Variants in IL17REL observed in about 807,000 individuals in gnomAD.
IL17REL encodes interleukin 17 receptor E like, also known as interleukin-17 receptor E-like protein.
A neutral mutation model predicts 49.0 loss-of-function variants in IL17REL; 36 were observed. The ratio of observed to expected loss-of-function variants is 0.73; its 90% CI spans 0.56 to 0.97. The LOEUF is 0.97. Among genes scored for constraint, IL17REL ranks in the 50% least tolerant of loss-of-function variants. The probability of loss-of-function intolerance (pLI) is 0.00; values close to 1 mark genes in which losing one functional copy is unlikely to be tolerated. For missense variants in IL17REL, 470 were observed against 453.9 expected (o/e 1.04, Z -0.32); for synonymous variants, 206 against 192.4 (o/e 1.07, Z -0.58).
intron 4 of IL17REL, among the ~76,000 whole-genome samples, 37 bp downstream of exon 6, chr22:50,000,159 G>C (rs1264580358): frequency 6.6e-6 from 1 of 152,226 alleles, no homozygotes; most frequent in Non-Finnish European, 1.5e-5. Context: ...CGCAGCGTCT[G>C]AGGGTCTTCG....
At chr22:49,993,545 C>T (rs567033072), downstream of IL17REL, among the ~76,000 whole-genome samples, 5 of 152,276 alleles carry the variant, frequency 3.3e-5, no homozygotes, top group East Asian at 7.7e-4. The surrounding 1 kb of genome is among the most constrained non-coding windows in gnomAD (Gnocchi z 6.0). Flanking sequence ...GAGCCACTGC[C>T]GCCTGGTGGC....
intron 12 of IL17REL, 63 bp downstream of exon 14, chr22:49,996,931 G>A (rs1012522622): frequency 5.1e-6 from 4 of 789,762 alleles, no homozygotes; most frequent in Admixed American, 3.1e-5. Flanking sequence ...GGAAGGGGGG[G>A]TGTGAACTGA....
intron 1 of IL17REL, among the ~76,000 whole-genome samples, chr22:50,004,743 C>G (rs2061099382): frequency 6.6e-6 from 1 of 151,412 alleles, no homozygotes; most frequent in Non-Finnish European, 1.5e-5. Context: ...CACCTGTAGT[C>G]CTAGCTACTC....
downstream of IL17REL, among the ~76,000 whole-genome samples, chr22:49,993,731 C>CAGG (rs1450032481): frequency 6.6e-6 from 1 of 152,206 alleles, no homozygotes; most frequent in Non-Finnish European, 1.5e-5. The surrounding 1 kb of genome is among the most constrained non-coding windows in gnomAD (Gnocchi z 6.0). Flanking sequence ...ACCCGTCAGG[C>CAGG]AGGAGCTCAG....
At chr22:49,993,652 T>G (rs575548727), downstream of IL17REL, among the ~76,000 whole-genome samples, 2 of 152,162 alleles carry the variant, frequency 1.3e-5, no homozygotes, top group East Asian at 3.9e-4. The surrounding 1 kb of genome is among the most constrained non-coding windows in gnomAD (Gnocchi z 6.0). Flanking sequence ...CCCCAAAGAC[T>G]CAGTTTCCCC....
chr22:50,006,375 A>G (rs1601892058), intron 1 of IL17REL, among the ~76,000 whole-genome samples: 1 of 152,102 alleles, frequency 6.6e-6, no homozygotes, highest in Non-Finnish European at 1.5e-5. Flanking sequence ...GGCACCACCC[A>G]GGAGCAACAG....
chr22:50,012,164 G>A (rs1473484027), upstream of IL17REL, among the ~76,000 whole-genome samples: 12 of 152,192 alleles, frequency 7.9e-5, no homozygotes, highest in Non-Finnish European at 1.8e-4. Flanking sequence ...CACGTTCTCC[G>A]AGTGTTTCCT....
At chr22:50,007,248 G>A (rs1410482138) in intron 1 of IL17REL, among the ~76,000 whole-genome samples, 8 of 151,896 alleles carry the variant, frequency 5.3e-5, no homozygotes. Flanking sequence ...CACAAGATCC[G>A]CCCCCTCCAC....
rs934348789 is a variant in IL17REL, at chr22:50,000,648, G to C, written c.220-56C>G. The C allele has an allele frequency of 2.2e-5, 34 of 1,558,130 alleles. No homozygotes were observed. The Middle Eastern group carries it at 5.5e-4, about 25-fold the overall frequency. Reference sequence around the variant, plus strand: ...CTCAGAGGCACTGCCCACCCCACCCGGCCAGCTCCACTTGCATGGCTGGAG... The same window carrying C: ...CTCAGAGGCACTGCCCACCCCACCCCGCCAGCTCCACTTGCATGGCTGGAG... On this transcript the variant is annotated intron_variant, in intron 3 of 12. Transcript: ENST00000341280.
At chr22:50,001,627 C>T (rs1019103407) in intron 1 of IL17REL, among the ~76,000 whole-genome samples, 4 of 152,230 alleles carry the variant, frequency 2.6e-5, no homozygotes, top group Admixed American at 2.0e-4. Context: ...ACCTGGGAGG[C>T]GACCCCAAGG....
intron 5 of IL17REL, 71 bp downstream of exon 7, chr22:49,999,757 C>T (rs567200060): frequency 0.024 from 29,751 of 1,217,578 alleles, 546 homozygotes; most frequent in Non-Finnish European, 0.028. Context: ...GGGCCTAAGG[C>T]TGACCGGGGC....
chr22:49,998,955 G>A (rs779989910), intron 7 of IL17REL, among the ~76,000 whole-genome samples: 4 of 151,890 alleles, frequency 2.6e-5, no homozygotes, highest in Non-Finnish European at 5.9e-5. Flanking sequence ...GTGTATGTTC[G>A]TGGGTGTCTG....
At chr22:49,998,544 G>T (rs1185434248) in intron 7 of IL17REL, among the ~76,000 whole-genome samples, 1 of 151,978 alleles carries the variant, frequency 6.6e-6, no homozygotes, top group Non-Finnish European at 1.5e-5. Flanking sequence ...GGGTGTCATG[G>T]GTATGGGTGT....
intron 5 of IL17REL, 92 bp downstream of exon 7, chr22:49,999,721 GGGGTGGGCGGGGCGC>G: frequency 9.3e-6 from 6 of 643,530 alleles, no homozygotes; most frequent in Non-Finnish European, 9.7e-6. Context: ...CGGGGCGCGG[GGGGTGGGCGGGGCGC>G]GGGGTGGGCG....
exon 2 of IL17REL, chr22:50,001,109 G>C (rs147243670): frequency 1.9e-6 from 3 of 1,598,348 alleles, no homozygotes; most frequent in Non-Finnish European, 2.6e-6. Context: ...GCGCGTACAC[G>C]CAGGAGCATC....
rs767198914 is a variant in IL17REL, at chr22:49,999,343, GC to G, written c.548del (p.Gly183AlafsTer39). The G allele has an allele frequency of 2.5e-6, 4 of 1,612,990 alleles. No individual in the cohort carries two copies. Among genetic ancestry groups the G allele is most frequent in the Non-Finnish European group, 1.7e-6 (2 of 1,180,000 alleles). ...GCACCGCGTCAGGGGTCGCAGACCA[GC>G]CCTGTGGGAGGGGCTGGGGTCAGCG... On this transcript the variant is annotated frameshift_variant and splice_region_variant, in exon 7 of 13. Coordinates refer to ENST00000341280, the Ensembl canonical transcript of IL17REL. LOFTEE classifies it high-confidence loss of function.
chr22:50,000,554 G>A (rs779086025), exon 4 of IL17REL: 9 of 1,613,436 alleles, frequency 5.6e-6, no homozygotes, highest in Non-Finnish European at 7.6e-6. Context: ...AGAGGTGCTG[G>A]GCCACGCTCA....
chr22:50,002,948 C>A (rs777206787), intron 1 of IL17REL, among the ~76,000 whole-genome samples: 20 of 152,292 alleles, frequency 1.3e-4, no homozygotes, highest in Middle Eastern at 3.4e-3. Flanking sequence ...GACAGTGAGT[C>A]CTGGGAGACA....
exon 3 of IL17REL, chr22:50,000,806 C>T: frequency 6.2e-7 from 1 of 1,604,270 alleles, no homozygotes; most frequent in Non-Finnish European, 8.5e-7. Context: ...CACGCTCTGA[C>T]ACTGCGTCTC....
Sources: allele counts gnomAD v4.1 joint callset (sites outside exome capture counted in the v4.1 genomes callset), GRCh38; gene constraint gnomAD v4.1.1; non-coding constraint Gnocchi (gnomAD v3.1); transcripts MANE v1.5; gene names NCBI Gene and HGNC (gene_info 2026-07-23, HGNC 2026-07-21).